AGBL1: variants seen among roughly 807,000 people sequenced by gnomAD.
AGBL1 encodes AGBL carboxypeptidase 1, also known as cytosolic carboxypeptidase 4.
AGBL1 carries 130 observed loss-of-function variants against 118.9 expected under a neutral mutation model. The ratio of observed to expected loss-of-function variants is 1.09; its 90% CI spans 0.95 to 1.26. AGBL1 has a LOEUF of 1.26. Ranked by LOEUF, AGBL1 falls within the 50% of genes most tolerant of loss-of-function variation. The pLI is 0.00. For synonymous variants in AGBL1, 555 were observed against 478.9 expected (o/e 1.16, Z -2.08); for missense variants, 1,584 against 1,298.1 (o/e 1.22, Z -3.38).
At chr15:86,971,871 T>A (rs1013734540) in intron 23 of AGBL1, among the ~76,000 whole-genome samples, 1 of 151,934 alleles carries the variant, frequency 6.6e-6, no homozygotes, top group Non-Finnish European at 1.5e-5. Flanking sequence ...TCGCCTATGA[T>A]GTTCTCATGA....
intron 6 of AGBL1, among the ~76,000 whole-genome samples, chr15:86,238,709 A>G (rs1385544167): frequency 6.6e-6 from 1 of 152,246 alleles, no homozygotes; most frequent in Non-Finnish European, 1.5e-5. Context: ...CATATGCCTG[A>G]GGATTGATAA....
In AGBL1 at chr15:86,548,415, CCT is replaced by C. The variant is rs1476120049; in HGVS notation, c.2817+2287_2817+2288del. Among the ~76,000 whole-genome samples, 10 of 152,218 alleles carry C rather than the reference CCT, an allele frequency of 6.6e-5. No homozygotes were observed. The East Asian group carries it at 1.9e-3, about 29-fold the overall frequency. On this transcript the variant is annotated intron_variant, in intron 20 of 22. Coordinates refer to ENST00000614907, the MANE Select transcript of AGBL1 (RefSeq NM_001386094.1). ...TGTTGGTATAAAGAGGTCAGTGAATCCTCTCTGCAAAACGCAGTATAAAATAG... is the reference window on the plus strand; with the variant it reads ...TGTTGGTATAAAGAGGTCAGTGAATCCTCTGCAAAACGCAGTATAAAATAG...
chr15:86,709,738 A>C (rs987363084), intron 22 of AGBL1, among the ~76,000 whole-genome samples: 6 of 152,142 alleles, frequency 3.9e-5, no homozygotes, highest in African/African-American at 1.4e-4. Context: ...TGGATGTTAG[A>C]ACAATTTAAA....
intron 17 of AGBL1, among the ~76,000 whole-genome samples, chr15:86,327,674 G>A (rs564072563): frequency 9.9e-5 from 15 of 152,246 alleles, no homozygotes; most frequent in African/African-American, 3.6e-4. Flanking sequence ...GGCATTTTGA[G>A]GTGAGTCATA....
intron 22 of AGBL1, among the ~76,000 whole-genome samples, chr15:86,807,021 A>G (rs939826390): frequency 6.6e-6 from 1 of 152,070 alleles, no homozygotes; most frequent in Non-Finnish European, 1.5e-5. Context: ...TGCTTTCTAG[A>G]TTTCCTGAGG....
At chr15:86,477,150 C>A (rs536857664) in intron 18 of AGBL1, among the ~76,000 whole-genome samples, 22 of 151,948 alleles carry the variant, frequency 1.4e-4, no homozygotes, top group African/African-American at 5.3e-4. Context: ...AAACTGACAC[C>A]CTAACATCAC....
chr15:86,257,352 G>A (rs1487964385), intron 8 of AGBL1, among the ~76,000 whole-genome samples: 2 of 152,082 alleles, frequency 1.3e-5, no homozygotes, highest in Non-Finnish European at 2.9e-5. Context: ...TACTGACTGT[G>A]GAATTAATTT....
intron 18 of AGBL1, among the ~76,000 whole-genome samples, chr15:86,430,085 G>A (rs1420912140): frequency 6.6e-6 from 1 of 152,200 alleles, no homozygotes; most frequent in Non-Finnish European, 1.5e-5. Context: ...GTCATTATAT[G>A]TTGGAGAGTA....
intron 14 of AGBL1, among the ~76,000 whole-genome samples, chr15:86,271,206 A>G (rs1304918914): frequency 6.6e-6 from 1 of 151,924 alleles, no homozygotes; most frequent in Non-Finnish European, 1.5e-5. Flanking sequence ...ATGTGCCACC[A>G]TGCCCGGCTA....
At chr15:86,228,455 C>T (rs1302410980) in intron 6 of AGBL1, among the ~76,000 whole-genome samples, 1 of 152,136 alleles carries the variant, frequency 6.6e-6, no homozygotes, top group East Asian at 1.9e-4. Context: ...AAATAATTCT[C>T]TGATCTAAGT....
At chr15:86,779,128 G>C (rs570849914) in intron 22 of AGBL1, among the ~76,000 whole-genome samples, 1 of 130,822 alleles carries the variant, frequency 7.6e-6, no homozygotes, top group Non-Finnish European at 1.5e-5. Flanking sequence ...CCCTTCCTAC[G>C]GATCGTTCAC....
intron 21 of AGBL1, among the ~76,000 whole-genome samples, chr15:86,640,988 T>A (rs2085180774): frequency 1.3e-5 from 2 of 152,060 alleles, no homozygotes; most frequent in African/African-American, 4.8e-5. Flanking sequence ...TTTATGTGCC[T>A]TTTGGCCATT....
chr15:86,108,024 C>A (rs967672093), intron 1 of AGBL1, among the ~76,000 whole-genome samples: 1 of 152,204 alleles, frequency 6.6e-6, no homozygotes, highest in Admixed American at 6.5e-5. Flanking sequence ...AATCTGTACA[C>A]CATGTGAGGA....
At chr15:86,770,687 T>G (rs1479578589) in intron 22 of AGBL1, among the ~76,000 whole-genome samples, 5 of 151,834 alleles carry the variant, frequency 3.3e-5, no homozygotes, top group Non-Finnish European at 7.4e-5. Flanking sequence ...CAAGTAGATG[T>G]AGAGGGTATC....
At chr15:86,888,553 C>G (rs1365066986) in intron 22 of AGBL1, among the ~76,000 whole-genome samples, 1 of 152,066 alleles carries the variant, frequency 6.6e-6, no homozygotes, top group Non-Finnish European at 1.5e-5. Flanking sequence ...CAACGAAGAT[C>G]TAGGTATAAA....
intron 5 of AGBL1, 127 bp from the exon 6 acceptor site, chr15:86,224,787 G>A: frequency 1.2e-6 from 1 of 839,028 alleles, no homozygotes; most frequent in Non-Finnish European, 2.0e-6. Context: ...GCAATCAATA[G>A]ATTGCCTGCT....
At chr15:86,394,054 T>C (rs74027542) in intron 17 of AGBL1, among the ~76,000 whole-genome samples, 5,994 of 152,222 alleles carry the variant, frequency 0.039, 387 homozygotes, top group African/African-American at 0.13. Flanking sequence ...AAATTTCAGT[T>C]GTTTATAAGC....
chr15:86,546,333 A>C (rs935379158), intron 20 of AGBL1, among the ~76,000 whole-genome samples, 200 bp downstream of exon 20: 7 of 151,700 alleles, frequency 4.6e-5, no homozygotes, highest in Non-Finnish European at 8.8e-5. Context: ...ATAATGACTT[A>C]CTGACTTGTT....
intron 9 of AGBL1, 116 bp downstream of exon 9, chr15:86,258,147 T>G: frequency 1.0e-6 from 1 of 998,656 alleles, no homozygotes; most frequent in Non-Finnish European, 1.5e-6. Flanking sequence ...ACTTTAGTAC[T>G]GCCACTCCAG....
Sources: allele counts gnomAD v4.1 joint callset (sites outside exome capture counted in the v4.1 genomes callset), GRCh38; gene constraint gnomAD v4.1.1; transcripts MANE v1.5; gene names NCBI Gene and HGNC (gene_info 2026-07-23, HGNC 2026-07-21).